The following SLC24A2 variants were observed in gnomAD, a reference collection of about 807,000 sequenced individuals.
SLC24A2 encodes sodium/potassium/calcium exchanger 2.
A neutral mutation model predicts 62.0 loss-of-function variants in SLC24A2; 36 were observed. That is an observed-to-expected ratio of 0.58 (90% CI 0.44 to 0.77). SLC24A2 has a LOEUF of 0.77. Ranked by LOEUF, SLC24A2 falls within the 30% of genes least tolerant of loss-of-function variation. SLC24A2 has a pLI of 0.00. For missense variants in SLC24A2, 846 were observed against 817.9 expected, an observed-to-expected ratio of 1.03 and a Z score of -0.42; for synonymous variants, 358 against 294.0, an observed-to-expected ratio of 1.22 and a Z score of -2.23.
the SLC24A2 span, among the ~76,000 whole-genome samples, chr9:20,192,866 A>G: frequency 6.6e-6 from 1 of 152,140 alleles, no homozygotes; most frequent in African/African-American, 2.4e-5. Context: ...ACTTCCCCTC[A>G]TTCTATCTTC....
At chr9:19,530,847 C>T (rs1563936723) in intron 8 of SLC24A2, among the ~76,000 whole-genome samples, 1 of 152,136 alleles carries the variant, frequency 6.6e-6, no homozygotes, top group African/African-American at 2.4e-5. Flanking sequence ...AGTCTGAGAA[C>T]TTACTCTGTA....
intron 2 of SLC24A2, among the ~76,000 whole-genome samples, chr9:19,738,508 A>G (rs957078026): frequency 1.2e-4 from 18 of 152,332 alleles, no homozygotes; most frequent in African/African-American, 4.1e-4. Context: ...CAATAAAGCA[A>G]AAAAGAAAAA....
At chr9:19,871,827 C>T in the SLC24A2 span, among the ~76,000 whole-genome samples, 1 of 152,144 alleles carries the variant, frequency 6.6e-6, no homozygotes, top group Non-Finnish European at 1.5e-5. Flanking sequence ...AAGTTACATT[C>T]TATTGTAAGC....
At chr9:19,572,453 T>A (rs761872209) in intron 7 of SLC24A2, among the ~76,000 whole-genome samples, 1 of 152,028 alleles carries the variant, frequency 6.6e-6, no homozygotes, top group Non-Finnish European at 1.5e-5. Context: ...ATTTCCCCTT[T>A]GCTATTCTCG....
At chr9:20,101,313 A>G in the SLC24A2 span, among the ~76,000 whole-genome samples, 819 of 152,344 alleles carry the variant, frequency 5.4e-3, 8 homozygotes, top group African/African-American at 0.019. Context: ...TGGACTTACT[A>G]TTCAAGTGTA....
chr9:20,204,231 TTGCTGAA>T, the SLC24A2 span, among the ~76,000 whole-genome samples: 1 of 152,204 alleles, frequency 6.6e-6, no homozygotes, highest in East Asian at 1.9e-4. Context: ...TACAGTTGAA[TTGCTGAA>T]TGCCTGCTGG....
chr9:20,251,944 C>T, the SLC24A2 span, among the ~76,000 whole-genome samples: 8 of 152,162 alleles, frequency 5.3e-5, no homozygotes, highest in South Asian at 2.1e-4. Flanking sequence ...TACTGAAACA[C>T]GACATCTTTC....
At chr9:20,054,398 G>C in the SLC24A2 span, among the ~76,000 whole-genome samples, 14 of 152,086 alleles carry the variant, frequency 9.2e-5, no homozygotes, top group Middle Eastern at 3.4e-3. Flanking sequence ...CACCATGTTG[G>C]CCAGGCTGGT....
chr9:20,237,580 G>A, the SLC24A2 span, among the ~76,000 whole-genome samples: 2 of 152,180 alleles, frequency 1.3e-5, no homozygotes, highest in Admixed American at 6.5e-5. Flanking sequence ...GCACACTGGC[G>A]TGCCATCTGG....
At chr9:19,549,696 GTAGC>G (rs1563955421) in intron 8 of SLC24A2, among the ~76,000 whole-genome samples, 2 of 152,178 alleles carry the variant, frequency 1.3e-5, no homozygotes, top group African/African-American at 4.8e-5. Context: ...CCAGATGATG[GTAGC>G]CCCAAGATGA....
Position 19,620,069 on chromosome 9 carries a change from A to G in SLC24A2, c.970-377T>C, listed in dbSNP as rs553779254. Among the ~76,000 whole-genome samples the G allele has an allele frequency of 2.0e-5, 3 of 152,330 alleles. No individual in the cohort carries two copies. In the East Asian group the frequency reaches 5.8e-4, roughly 29 times the overall value. ...GAAATGAGGTGCCCAAGTCACACTG[A>G]CAAGAAGTGGAGGATGGAGGAATGG... On this transcript the variant is annotated intron_variant, in intron 3 of 10. Transcript: ENST00000341998.
chr9:19,750,660 A>G (rs529514611), intron 2 of SLC24A2, among the ~76,000 whole-genome samples: 44 of 152,126 alleles, frequency 2.9e-4, no homozygotes, highest in African/African-American at 1.1e-3. Flanking sequence ...ATGTTTCTCT[A>G]TTTCTAAAGT....
chr9:19,934,290 G>A, the SLC24A2 span, among the ~76,000 whole-genome samples: 1 of 152,240 alleles, frequency 6.6e-6, no homozygotes, highest in South Asian at 2.1e-4. This position sits in a 1 kb window ranked among gnomAD's most constrained non-coding sequence, Gnocchi z 4.1. Context: ...CATTTTATCC[G>A]TCCCCTTCCC....
intron 8 of SLC24A2, among the ~76,000 whole-genome samples, chr9:19,536,330 T>G: frequency 6.8e-6 from 1 of 147,128 alleles, no homozygotes; most frequent in Non-Finnish European, 1.5e-5. Flanking sequence ...TAGGTATATC[T>G]CCCAATGCTA....
chr9:19,537,059 T>G (rs1283823622), intron 8 of SLC24A2, among the ~76,000 whole-genome samples: 1 of 150,850 alleles, frequency 6.6e-6, no homozygotes, highest in Non-Finnish European at 1.5e-5. Flanking sequence ...GTTTGTTTTT[T>G]TCTTGTAAAT....
At chr9:19,716,203 C>T (rs748773647) in intron 2 of SLC24A2, among the ~76,000 whole-genome samples, 2 of 152,162 alleles carry the variant, frequency 1.3e-5, no homozygotes, top group African/African-American at 2.4e-5. Context: ...TAATCCATAT[C>T]GCAAGATACC....
the SLC24A2 span, among the ~76,000 whole-genome samples, chr9:20,085,256 C>T: frequency 6.6e-6 from 1 of 152,218 alleles, no homozygotes; most frequent in South Asian, 2.1e-4. Flanking sequence ...GCCTCAGCCT[C>T]CCAAAATGCT....
chr9:20,029,144 G>A, the SLC24A2 span, among the ~76,000 whole-genome samples: 98 of 152,250 alleles, frequency 6.4e-4, no homozygotes, highest in African/African-American at 2.2e-3. Context: ...CTACATCTTC[G>A]TCACCAAAGC....
At chr9:20,220,625 G>A in the SLC24A2 span, among the ~76,000 whole-genome samples, 2 of 152,104 alleles carry the variant, frequency 1.3e-5, no homozygotes, top group African/African-American at 2.4e-5. Flanking sequence ...TGGTTGGTTT[G>A]TTTGTTTATT....
Sources: gnomAD v4.1 joint callset for allele counts (sites outside exome capture counted in the v4.1 genomes callset) on GRCh38, gnomAD v4.1.1 for gene constraint, Gnocchi (gnomAD v3.1) non-coding constraint, MANE v1.5 for transcripts, NCBI Gene and HGNC (gene_info 2026-07-23, HGNC 2026-07-21) for gene names.